Variants in LRMDA observed in about 807,000 individuals in gnomAD.
LRMDA encodes the protein leucine rich melanocyte differentiation associated, also known as leucine-rich melanocyte differentiation-associated protein.
A neutral mutation model predicts 29.8 loss-of-function variants in LRMDA; 18 were observed. The observed-to-expected ratio is 0.60, with a 90% confidence interval of 0.42 to 0.90. The LOEUF (loss-of-function observed/expected upper bound fraction) is 0.90. Among genes scored for constraint, LRMDA ranks in the 40% least tolerant of loss-of-function variants. LRMDA has a pLI of 0.00. For missense variants in LRMDA, 273 were observed against 273.9 expected, an observed-to-expected ratio of 1.00 and a Z score of 0.02; for synonymous variants, 125 against 109.4, an observed-to-expected ratio of 1.14 and a Z score of -0.89.
intron 6 of LRMDA, among the ~76,000 whole-genome samples, chr10:76,412,937 G>A (rs548247515): frequency 6.6e-6 from 1 of 151,862 alleles, no homozygotes; most frequent in Admixed American, 6.6e-5. Flanking sequence ...CTAGTCCCCT[G>A]ACTTCCTTCC....
intron 2 of LRMDA, among the ~76,000 whole-genome samples, chr10:75,880,899 C>T (rs187622201): frequency 2.6e-5 from 4 of 152,266 alleles, no homozygotes; most frequent in East Asian, 1.9e-4. Context: ...GCTGCACAGT[C>T]GGGCAGCCAG....
At chr10:76,445,875 A>G (rs1842349335) in intron 6 of LRMDA, among the ~76,000 whole-genome samples, 1 of 151,922 alleles carries the variant, frequency 6.6e-6, no homozygotes, top group South Asian at 2.1e-4. Context: ...TGTTTTCCCA[A>G]TTCAACTGAA....
chr10:76,381,366 G>A (rs1371706305), intron 6 of LRMDA, among the ~76,000 whole-genome samples: 3 of 152,034 alleles, frequency 2.0e-5, no homozygotes, highest in Non-Finnish European at 4.4e-5. Flanking sequence ...TTGAAAAAAG[G>A]AGAATTGACA....
At chr10:76,119,881 G>T (rs569151886) in intron 5 of LRMDA, among the ~76,000 whole-genome samples, 26 of 152,268 alleles carry the variant, frequency 1.7e-4, no homozygotes, top group Admixed American at 4.6e-4. Context: ...AGACAAAGAG[G>T]TTTTTCAGTT....
At chr10:75,591,601 G>A (rs987622892) in intron 2 of LRMDA, among the ~76,000 whole-genome samples, 2 of 152,188 alleles carry the variant, frequency 1.3e-5, no homozygotes, top group Admixed American at 1.3e-4. Context: ...GCATGTTCTT[G>A]GAGATGTGAG....
intron 2 of LRMDA, among the ~76,000 whole-genome samples, chr10:75,676,854 C>T (rs549510918): frequency 7.2e-5 from 11 of 152,220 alleles, no homozygotes; most frequent in Non-Finnish European, 1.3e-4. Context: ...TTCACATTCT[C>T]ATTTGCCACC....
chr10:76,556,561 G>A (rs999685859), intron 6 of LRMDA: 3 of 152,148 alleles, frequency 2.0e-5, no homozygotes, highest in African/African-American at 7.2e-5. Flanking sequence ...CATCATGTTA[G>A]ACAAGATGGT....
chr10:75,563,154 C>T (rs1840322083), intron 2 of LRMDA, among the ~76,000 whole-genome samples: 1 of 152,120 alleles, frequency 6.6e-6, no homozygotes, highest in Admixed American at 6.5e-5. Context: ...CTCCCCGTCA[C>T]TTTCAGGTAC....
chr10:76,058,196 C>T (rs957363076), intron 4 of LRMDA, among the ~76,000 whole-genome samples: 1 of 152,236 alleles, frequency 6.6e-6, no homozygotes, highest in African/African-American at 2.4e-5. Flanking sequence ...TTCTCAGCTA[C>T]ATGTGTTCCT....
intron 6 of LRMDA, among the ~76,000 whole-genome samples, chr10:76,548,287 A>G (rs974958708): frequency 3.3e-5 from 5 of 152,154 alleles, no homozygotes; most frequent in African/African-American, 4.8e-5. Context: ...GAATCCTCCA[A>G]TACAGTTAAA....
intron 2 of LRMDA, among the ~76,000 whole-genome samples, chr10:75,545,670 A>C (rs1051490504): frequency 6.6e-6 from 1 of 152,152 alleles, no homozygotes; most frequent in African/African-American, 2.4e-5. Context: ...CAGAGAGGGG[A>C]GATTACCCAA....
At chr10:76,305,213 G>A (rs569747491) in intron 5 of LRMDA, among the ~76,000 whole-genome samples, 2 of 152,262 alleles carry the variant, frequency 1.3e-5, no homozygotes, top group Admixed American at 1.3e-4. Flanking sequence ...TCAAAACCTA[G>A]GAATCCTGGA....
chr10:76,515,410 A>C (rs1843049844), intron 6 of LRMDA, among the ~76,000 whole-genome samples: 1 of 152,230 alleles, frequency 6.6e-6, no homozygotes, highest in Non-Finnish European at 1.5e-5. Flanking sequence ...CCTCGAATTT[A>C]GTGGTGTAAT....
chr10:76,023,441 G>A (rs1251113963), intron 2 of LRMDA, among the ~76,000 whole-genome samples: 1 of 151,552 alleles, frequency 6.6e-6, no homozygotes, highest in Non-Finnish European at 1.5e-5. Context: ...CTCTTTTTTT[G>A]GCCATCTGAG....
intron 5 of LRMDA, among the ~76,000 whole-genome samples, chr10:76,202,436 A>G (rs1380289286): frequency 6.6e-6 from 1 of 151,962 alleles, no homozygotes. Flanking sequence ...GGCTTTTCTG[A>G]CTTCTTAATG....
intron 2 of LRMDA, among the ~76,000 whole-genome samples, chr10:75,714,867 C>T (rs1842481118): frequency 7.3e-6 from 1 of 136,326 alleles, no homozygotes; most frequent in Admixed American, 7.5e-5. Context: ...CCCTTCCTTC[C>T]TTCCTTCCTT....
intron 5 of LRMDA, among the ~76,000 whole-genome samples, chr10:76,287,081 C>T (rs545697190): frequency 4.6e-5 from 7 of 152,242 alleles, no homozygotes; most frequent in African/African-American, 1.7e-4. Context: ...TAGAGATCTT[C>T]TGAAACTAGA....
chr10:76,019,931 G>A (rs1177579867), intron 2 of LRMDA, among the ~76,000 whole-genome samples: 1 of 152,192 alleles, frequency 6.6e-6, no homozygotes, highest in African/African-American at 2.4e-5. Flanking sequence ...ATAAGTCTCA[G>A]GAGATTCTGG....
At chr10:76,216,830 G>C (rs1228888654) in intron 5 of LRMDA, among the ~76,000 whole-genome samples, 1 of 152,190 alleles carries the variant, frequency 6.6e-6, no homozygotes, top group East Asian at 1.9e-4. Flanking sequence ...CGCATGTAAA[G>C]AAAGTCTTTA....
Sources: gnomAD v4.1 joint callset for allele counts (sites outside exome capture counted in the v4.1 genomes callset) on GRCh38, gnomAD v4.1.1 for gene constraint, MANE v1.5 for transcripts, NCBI Gene and HGNC (gene_info 2026-07-23, HGNC 2026-07-21) for gene names.